Variants in DCAF17 observed in about 807,000 individuals in gnomAD.
DCAF17 encodes DDB1- and CUL4-associated factor 17.
In DCAF17, 48 loss-of-function variants were observed where a neutral mutation model predicts 66.0. The observed-to-expected ratio is 0.73, with a 90% CI of 0.58 to 0.92. DCAF17 has a LOEUF of 0.92. Among genes scored for constraint, DCAF17 ranks in the 40% least tolerant of loss-of-function variants. DCAF17 has a pLI of 0.00. For missense variants in DCAF17, 562 were observed against 622.8 expected (o/e 0.90, Z 1.04); for synonymous variants, 206 against 214.6 (o/e 0.96, Z 0.35).
At chr2:171,438,877 T>C (rs920228125) in intron 2 of DCAF17, among the ~76,000 whole-genome samples, 30 of 111,632 alleles carry the variant, frequency 2.7e-4, no homozygotes, top group Non-Finnish European at 6.0e-5. Context: ...GCTAGGACTA[T>C]AGGCATGTGG....
chr2:171,478,574 C>T (rs963917097), intron 12 of DCAF17, among the ~76,000 whole-genome samples: 5 of 152,096 alleles, frequency 3.3e-5, no homozygotes, highest in African/African-American at 1.2e-4. Context: ...CATTTTTATC[C>T]CCTTCCTTTA....
In DCAF17 at chr2:171,468,909, A is replaced by T; in HGVS notation, c.860A>T (p.Glu287Val). 6.2e-7 allele frequency: 1 copy of T among 1,614,086 alleles called. No homozygotes were observed. Among genetic ancestry groups the T allele is most frequent in the Non-Finnish European group, 8.5e-7 (1 of 1,179,992 alleles). ...ACAGACATGCCACCACTGCTCTTTG[A>T]GGTGTCATCCCTGGAGAATGCTTTT... is the stretch of plus-strand genomic sequence containing the variant. The part of the protein sequence containing the change: ...KITDMPPLLF[E>V]VSSLENAFQI... The change falls in exon 9 of 14, where the codon GAG (glutamate) becomes GTG (valine). Residue 287 changes from glutamate to valine, a missense_variant. This residue lies in a region of DCAF17 where 348 missense variants were observed against 355.9 expected (regional missense o/e 0.98). Transcript: ENST00000375255.
intron 9 of DCAF17, among the ~76,000 whole-genome samples, chr2:171,469,335 A>G (rs1185180121): frequency 4.6e-5 from 7 of 152,174 alleles, no homozygotes; most frequent in Admixed American, 3.3e-4. Flanking sequence ...TCACCAATGG[A>G]ATGTGTTCAC....
At chr2:171,461,803 G>C (rs145173372) in intron 8 of DCAF17, among the ~76,000 whole-genome samples, 9 of 152,040 alleles carry the variant, frequency 5.9e-5, no homozygotes, top group Non-Finnish European at 5.9e-5. Flanking sequence ...TGTGCTCTTC[G>C]CAGTAAATTC....
At chr2:171,457,338 C>T (rs1267666306) in intron 6 of DCAF17, among the ~76,000 whole-genome samples, 2 of 152,146 alleles carry the variant, frequency 1.3e-5, no homozygotes, top group African/African-American at 4.8e-5. Flanking sequence ...TTCCTCTATT[C>T]CTGTATTTCC....
chr2:171,457,112 G>A (rs1188111553), intron 6 of DCAF17, among the ~76,000 whole-genome samples: 1 of 152,176 alleles, frequency 6.6e-6, no homozygotes, highest in Non-Finnish European at 1.5e-5. Flanking sequence ...ACTAGGATCA[G>A]TGAATTAAAA....
intron 8 of DCAF17, among the ~76,000 whole-genome samples, chr2:171,458,985 A>G (rs543512244): frequency 4.7e-4 from 71 of 152,334 alleles, no homozygotes; most frequent in African/African-American, 1.6e-3. Flanking sequence ...AAAATGTTCT[A>G]TATTTAGCTT....
chr2:171,473,722 G>T, intron 9 of DCAF17, 144 bp from the exon 10 acceptor site: 1 of 681,704 alleles, frequency 1.5e-6, no homozygotes, highest in Non-Finnish European at 2.6e-6. Context: ...GTCCTCATTT[G>T]GCCCTCAAAT....
In DCAF17 at chr2:171,479,943, A is replaced by G. The variant is rs1016798677; in HGVS notation, c.1267-95A>G. The G allele has an allele frequency of 2.9e-6, 4 of 1,372,454 alleles. No homozygotes were observed. In the Admixed American group the frequency reaches 7.6e-5, roughly 26 times the overall value. The allele number at this position is 1,372,454 out of a possible 1,614,324, so 85.0% of individuals were successfully genotyped here. On this transcript the variant is annotated intron_variant, in intron 12 of 13. Coordinates refer to ENST00000375255, the MANE Select transcript of DCAF17 (RefSeq NM_025000.4). ...TTCATTCTTCTCCCATATTTTTGTA[A>G]GTAATAGAATACTTAAACTATAAAT...
At chr2:171,448,544 T>C (rs1322762168) in intron 3 of DCAF17, 137 bp from the exon 4 acceptor site, 2 of 690,642 alleles carry the variant, frequency 2.9e-6, no homozygotes, top group Non-Finnish European at 4.5e-6. Context: ...CTTAATTCTC[T>C]AGTTGGGCAT....
At chr2:171,474,036 CTT>C in intron 10 of DCAF17, 61 bp downstream of exon 10, 2 of 1,428,450 alleles carry the variant, frequency 1.4e-6, no homozygotes. Flanking sequence ...TTATTGGCAT[CTT>C]TATTTTTGCC....
chr2:171,481,097 A>G lies in DCAF17; in HGVS notation c.1546A>G (p.Ile516Val). The stretch of plus-strand genomic sequence containing the variant: ...TGACACTGGGGAAGAAGAAGAAACC[A>G]TAAACAGAAGCTGTTAAAAAGAGTG... ...ICDTGEEEET[I>V]NRSC The change falls in exon 14 of 14, where the codon ATA becomes GTA. Residue 516 changes from isoleucine to valine, a missense_variant. Around this residue, in one of 3 missense-constraint regions of DCAF17, gnomAD observed 201 missense variants for 231.1 expected, o/e 0.87. Transcript: ENST00000375255. The G allele has an allele frequency of 6.2e-7, 1 of 1,613,728 alleles. No homozygotes were observed. The highest frequency in any genetic ancestry group is 8.5e-7 in the Non-Finnish European group (1 of 1,179,640).
Position 171,434,543 on chromosome 2 carries a change from C to T in DCAF17, c.-35C>T. ...CGGGAGTGTGGGGCGCGCCACTCGG[C>T]GGCCCAGCCTACCCAGGGCCCGGCC... On this transcript the variant is annotated 5_prime_UTR_variant, in exon 1 of 14. Transcript: ENST00000375255. The T allele has an allele frequency of 1.3e-6, 2 of 1,523,612 alleles. No individual in the cohort carries two copies. The highest frequency in any genetic ancestry group is 1.8e-6 in the Non-Finnish European group (2 of 1,140,504). The allele number at this position is 1,523,612 out of a possible 1,614,324, so 94.4% of individuals were successfully genotyped here. A position where few individuals can be genotyped will look rare whatever the true frequency, so the allele number is the denominator to read the frequency against.
intron 3 of DCAF17, 100 bp downstream of exon 3, chr2:171,443,713 A>C: frequency 3.6e-5 from 33 of 913,064 alleles, no homozygotes; most frequent in Non-Finnish European, 5.6e-5. Flanking sequence ...CTTAAATATC[A>C]TAGTGACTCT....
rs1696842375 is a variant in DCAF17, at chr2:171,483,820, T to C, written c.*2706T>C. ...GAAAGTGAGGCTCACAGAAGTTAAT[T>C]GGCCCAGGGTCCCACAACTAGTCAG... On this transcript the variant is annotated 3_prime_UTR_variant, in exon 14 of 14. Transcript: ENST00000375255. 1 of 453,964 alleles carries C rather than the reference T, an allele frequency of 2.2e-6. No homozygotes were observed. The highest frequency in any genetic ancestry group is 2.4e-5 in the Admixed American group (1 of 42,548). 28.1% of individuals were successfully genotyped at this position (453,964 alleles called of 1,614,324 possible).
chr2:171,482,538 T>TA lies in DCAF17; in HGVS notation c.*1425dup, dbSNP rs1296168642. On this transcript the variant is annotated 3_prime_UTR_variant, in exon 14 of 14. Transcript: ENST00000375255. ...AAGACCAGTAAGAGGCCAGTGAAAGTACTAAAGAAAGAAACCAATGTTGTG... is the reference window on the plus strand; with the variant it reads ...AAGACCAGTAAGAGGCCAGTGAAAGTAACTAAAGAAAGAAACCAATGTTGTG... 6.6e-6 allele frequency: 3 copies of TA among 453,932 alleles called. No homozygotes were observed. Among genetic ancestry groups the TA allele is most frequent in the African/African-American group, 6.0e-5 (3 of 49,984 alleles). 28.1% of individuals were successfully genotyped at this position (453,932 alleles called of 1,614,324 possible). A position where few individuals can be genotyped will look rare whatever the true frequency, so the allele number is the denominator to read the frequency against.
chr2:171,443,903 A>G lies in DCAF17; in HGVS notation c.321+290A>G, dbSNP rs563995326. Among the ~76,000 whole-genome samples, 3 of 152,320 alleles carry G rather than the reference A, an allele frequency of 2.0e-5. No homozygotes were observed. The South Asian group carries it at 6.2e-4, about 32-fold the overall frequency. ...TTATATAAGCAGCATAAGCTAATGT[A>G]TAATTATCTTAGTGTTTAAGAGATC... is the stretch of plus-strand genomic sequence containing the variant. On this transcript the variant is annotated intron_variant, in intron 3 of 13. Coordinates refer to ENST00000375255, the MANE Select transcript of DCAF17 (RefSeq NM_025000.4).
chr2:171,466,246 CATATT>C (rs1695891428), intron 8 of DCAF17, among the ~76,000 whole-genome samples: 1 of 152,148 alleles, frequency 6.6e-6, no homozygotes, highest in South Asian at 2.1e-4. Context: ...TAGAAAAAAT[CATATT>C]GTATTACAGG....
chr2:171,460,162 A>C (rs112128400), intron 8 of DCAF17, among the ~76,000 whole-genome samples: 5,908 of 152,018 alleles, frequency 0.039, 379 homozygotes, highest in African/African-American at 0.13. Flanking sequence ...ATCTCTACTA[A>C]AAATACAAAA....
Sources: gnomAD v4.1 joint callset for allele counts (sites outside exome capture counted in the v4.1 genomes callset) on GRCh38, gnomAD v4.1.1 for gene constraint, gnomAD v4.1.1 regional missense constraint, MANE v1.5 for transcripts, NCBI Gene and HGNC (gene_info 2026-07-23, HGNC 2026-07-21) for gene names.